The following SLCO1B1 variants were observed in gnomAD, a reference collection of about 807,000 sequenced individuals.
SLCO1B1 encodes OATP-2.
SLCO1B1 carries 81 observed loss-of-function variants against 70.1 expected under a neutral mutation model. The ratio of observed to expected loss-of-function variants is 1.16; its 90% CI spans 0.97 to 1.39. The LOEUF (loss-of-function observed/expected upper bound fraction) is 1.39. Ranked by LOEUF, SLCO1B1 falls within the 40% of genes most tolerant of loss-of-function variation. The pLI is 0.00. For missense variants in SLCO1B1, 895 were observed against 799.6 expected (o/e 1.12, Z -1.44); for synonymous variants, 283 against 271.5 (o/e 1.04, Z -0.42).
At chr12:21,214,804 C>T (rs141530185) in intron 11 of SLCO1B1, among the ~76,000 whole-genome samples, 7 of 152,140 alleles carry the variant, frequency 4.6e-5, no homozygotes, top group Non-Finnish European at 2.9e-5. Flanking sequence ...GCGCAGTATT[C>T]GGGTGGGAGT....
intron 2 of SLCO1B1, among the ~76,000 whole-genome samples, chr12:21,143,931 A>T (rs1940347779): frequency 6.6e-6 from 1 of 152,108 alleles, no homozygotes; most frequent in Admixed American, 6.6e-5. Context: ...TTACATATAC[A>T]GACACAGCAG....
intron 2 of SLCO1B1, among the ~76,000 whole-genome samples, chr12:21,151,830 T>C (rs1326604480): frequency 6.6e-6 from 1 of 152,122 alleles, no homozygotes; most frequent in East Asian, 1.9e-4. Context: ...CCTTTGTCTG[T>C]GATTTTCTAT....
chr12:21,239,094 A>G lies in SLCO1B1; in HGVS notation c.1981A>G (p.Asn661Asp). ...YQEKDINASE[N>D]GSVMDEANLE... is the part of the protein sequence containing the mutation. ...AGAGAAAGATATCAATGCATCAGAA[A>G]ATGGAAGTGTCATGGATGAAGCAAA... Residue 661 changes from asparagine to aspartate, a missense_variant, in exon 15 of 15, where the codon AAT becomes GAT. Transcript: ENST00000256958. 2 of 1,609,988 alleles carry G rather than the reference A, an allele frequency of 1.2e-6. No individual in the cohort carries two copies. The highest frequency in any genetic ancestry group is 2.2e-5 in the South Asian group (2 of 90,830).
intron 7 of SLCO1B1, among the ~76,000 whole-genome samples, chr12:21,180,997 G>A (rs563615013): frequency 6.6e-6 from 1 of 152,134 alleles, no homozygotes; most frequent in Non-Finnish European, 1.5e-5. Context: ...AATGCCTAAA[G>A]GAGCTGAAGA....
rs113786636 is a variant in SLCO1B1, at chr12:21,147,790, A to G, written c.84+6132A>G. Among the ~76,000 whole-genome samples the G allele has an allele frequency of 9.2e-5, 14 of 151,448 alleles. 1 individual carries two copies. Among genetic ancestry groups the G allele is most frequent in the Admixed American group, 3.3e-4 (5 of 15,196 alleles). On this transcript the variant is annotated intron_variant, in intron 2 of 14. Transcript: ENST00000256958. The stretch of plus-strand genomic sequence containing the variant: ...TAGAATGATTTATAATCCTATGGAT[A>G]CATTCAACAATGGTTGAATTAATTT...
intron 11 of SLCO1B1, among the ~76,000 whole-genome samples, chr12:21,212,144 A>C (rs955187538): frequency 1.6e-5 from 2 of 125,944 alleles, no homozygotes; most frequent in Non-Finnish European, 3.4e-5. Flanking sequence ...TAGTTCTTTT[A>C]ATTGTGATGT....
At chr12:21,150,220 C>G (rs905504332) in intron 2 of SLCO1B1, among the ~76,000 whole-genome samples, 2 of 150,836 alleles carry the variant, frequency 1.3e-5, no homozygotes, top group Non-Finnish European at 2.9e-5. Context: ...AAAATTCCCT[C>G]TATCTGGGAC....
At chr12:21,211,344 T>C (rs1591822194) in intron 11 of SLCO1B1, among the ~76,000 whole-genome samples, 1 of 152,364 alleles carries the variant, frequency 6.6e-6, no homozygotes, top group East Asian at 1.9e-4. Flanking sequence ...TTTGGCTCTG[T>C]TTATATGCTG....
intron 3 of SLCO1B1, among the ~76,000 whole-genome samples, chr12:21,173,621 T>C (rs1940781244): frequency 2.4e-5 from 3 of 125,828 alleles, no homozygotes; most frequent in Non-Finnish European, 4.9e-5. Context: ...AAATTTTTTA[T>C]AAAGTAAAAA....
At chr12:21,162,517 G>A (rs1373028228) in intron 2 of SLCO1B1, among the ~76,000 whole-genome samples, 2 of 152,140 alleles carry the variant, frequency 1.3e-5, no homozygotes, top group African/African-American at 4.8e-5. Context: ...TCAGTAAGGA[G>A]GTGGCATTAA....
Position 21,178,652 on chromosome 12 carries a change from T to G in SLCO1B1, c.558T>G (p.Thr186=). The G allele has an allele frequency of 6.2e-7, 1 of 1,605,256 alleles. No individual in the cohort carries two copies. Among genetic ancestry groups the G allele is most frequent in the Non-Finnish European group, 8.5e-7 (1 of 1,171,964 alleles). ...ATATGCTTCGTGGAATAGGGGAGAC[T>G]CCCATAGTACCATTGGGGCTTTCTT... is the stretch of plus-strand genomic sequence containing the variant. ...MGNMLRGIGE[T]PIVPLGLSYI... Residue 186 remains threonine, a synonymous_variant, in exon 6 of 15, where the codon ACT becomes ACG. Transcript: ENST00000256958.
At chr12:21,177,339 A>T (rs1368262811) in intron 5 of SLCO1B1, among the ~76,000 whole-genome samples, 6 of 152,178 alleles carry the variant, frequency 3.9e-5, no homozygotes, top group Non-Finnish European at 7.4e-5. Flanking sequence ...CAAAGAATAT[A>T]TGCATTAAAG....
At chr12:21,171,044 A>G (rs1391274936) in intron 2 of SLCO1B1, among the ~76,000 whole-genome samples, 1 of 152,252 alleles carries the variant, frequency 6.6e-6, no homozygotes, top group Non-Finnish European at 1.5e-5. Flanking sequence ...TGATGGGGCT[A>G]ATATTCTGCT....
At chr12:21,205,749 C>G in intron 10 of SLCO1B1, 119 bp from the exon 11 acceptor site, 1 of 688,046 alleles carries the variant, frequency 1.5e-6, no homozygotes, top group Non-Finnish European at 2.2e-6. Flanking sequence ...AAGAAAAATT[C>G]TTTATCTACT....
chr12:21,214,845 C>G (rs1177766959), intron 11 of SLCO1B1, among the ~76,000 whole-genome samples: 3 of 152,086 alleles, frequency 2.0e-5, no homozygotes, highest in Admixed American at 2.0e-4. Flanking sequence ...GTCCGTCACC[C>G]CTTTCTTTGA....
intron 11 of SLCO1B1, among the ~76,000 whole-genome samples, chr12:21,215,471 G>T (rs1454137237): frequency 6.6e-6 from 1 of 152,110 alleles, no homozygotes; most frequent in African/African-American, 2.4e-5. Flanking sequence ...TTTATGTAGT[G>T]AATCACATTT....
intron 14 of SLCO1B1, among the ~76,000 whole-genome samples, chr12:21,230,165 T>G (rs935752325): frequency 6.6e-6 from 1 of 152,142 alleles, no homozygotes; most frequent in Admixed American, 6.5e-5. Context: ...TGTAATGAAC[T>G]GTAAGAATTC....
At chr12:21,233,873 G>A (rs1455905480) in intron 14 of SLCO1B1, among the ~76,000 whole-genome samples, 1 of 152,166 alleles carries the variant, frequency 6.6e-6, no homozygotes, top group Non-Finnish European at 1.5e-5. Flanking sequence ...ACCAGAGCAG[G>A]GCTACTGAAC....
At chr12:21,133,105 C>T (rs1940165491) in intron 1 of SLCO1B1, among the ~76,000 whole-genome samples, 1 of 152,108 alleles carries the variant, frequency 6.6e-6, no homozygotes, top group Non-Finnish European at 1.5e-5. Flanking sequence ...TTCCCCATTG[C>T]TTGTTTTTCT....
Sources: gnomAD v4.1 joint callset for allele counts (sites outside exome capture counted in the v4.1 genomes callset) on GRCh38, gnomAD v4.1.1 for gene constraint, MANE v1.5 for transcripts, NCBI Gene and HGNC (gene_info 2026-07-23, HGNC 2026-07-21) for gene names.